MRPS21: variants seen among roughly 807,000 people sequenced by gnomAD.
The protein encoded by MRPS21 is mitochondrial ribosomal protein S21, also known as small ribosomal subunit protein bS21m.
Under a neutral mutation model 9.9 loss-of-function variants are expected in MRPS21, and 8 were observed. The observed-to-expected ratio is 0.81, with a 90% CI of 0.47 to 1.45. The LOEUF (loss-of-function observed/expected upper bound fraction) is 1.45. Among genes scored for constraint, MRPS21 ranks in the 40% most tolerant of loss-of-function variants. The pLI is 0.00. For synonymous variants in MRPS21, 40 were observed against 40.3 expected (o/e 0.99, Z 0.03); for missense variants, 101 against 118.9 (o/e 0.85, Z 0.70).
In MRPS21 at chr1:150,301,624, C is replaced by CTT. The variant is rs782493422; in HGVS notation, c.84-6415_84-6414dup. On this transcript the variant is annotated intron_variant, in intron 2 of 2. Transcript: ENST00000614145. Reference sequence around the variant, plus strand: ...CTTAGAATAATTTTCTTTTTCCTTTCTTTTTTTTTTAATACGGAGTCTCTC... The same window carrying CTT: ...CTTAGAATAATTTTCTTTTTCCTTTCTTTTTTTTTTTTAATACGGAGTCTCTC... Among the ~76,000 whole-genome samples, 776 of 148,160 alleles carry CTT rather than the reference C, an allele frequency of 5.2e-3. 3 individuals are homozygous for CTT. Among genetic ancestry groups the CTT allele is most frequent in the Non-Finnish European group, 8.2e-3 (546 of 66,884 alleles).
chr1:150,295,002 T>A (rs1653865477), intron 2 of MRPS21, among the ~76,000 whole-genome samples: 2 of 149,860 alleles, frequency 1.3e-5, no homozygotes, highest in African/African-American at 4.9e-5. Context: ...TTTAATTTTT[T>A]TTTTTTTTTT....
chr1:150,308,064 G>C lies in MRPS21; in HGVS notation c.100G>C (p.Gly34Arg). ...TTTATACAGAATCCTCACTATGGAT[G>C]GGCTCATTGAGGACATTAAGCATCG... ...RTLNRILTMD[G>R]LIEDIKHRRY... Residue 34 changes from glycine (G) to arginine (R), a missense_variant, in exon 3 of 3, where the codon GGG (glycine) becomes CGG (arginine). Gly to Arg is a moderately radical substitution (Grantham distance 125). Transcript: ENST00000614145. 1 of 1,586,246 alleles carries C rather than the reference G, an allele frequency of 6.3e-7. No individual in the cohort carries two copies. The highest frequency in any genetic ancestry group is 8.6e-7 in the Non-Finnish European group (1 of 1,156,724).
intron 2 of MRPS21, among the ~76,000 whole-genome samples, chr1:150,301,956 T>G (rs1654151991): frequency 6.6e-6 from 1 of 152,204 alleles, no homozygotes; most frequent in African/African-American, 2.4e-5. Flanking sequence ...CAGACTGATT[T>G]TGGAGTGATC....
chr1:150,294,627 G>C (rs1291473215), intron 2 of MRPS21, among the ~76,000 whole-genome samples, 178 bp downstream of exon 2: 1 of 152,096 alleles, frequency 6.6e-6, no homozygotes, highest in Non-Finnish European at 1.5e-5. Context: ...GGCCGGGCGC[G>C]GTGGCTCACG....
chr1:150,305,647 T>C (rs1654301782), intron 2 of MRPS21, among the ~76,000 whole-genome samples: 1 of 152,092 alleles, frequency 6.6e-6, no homozygotes, highest in African/African-American at 2.4e-5. Context: ...CCAGCTGGAG[T>C]GCAGTGCCTT....
intron 2 of MRPS21, among the ~76,000 whole-genome samples, chr1:150,296,404 T>A (rs1366678878): frequency 6.6e-6 from 1 of 152,164 alleles, no homozygotes; most frequent in African/African-American, 2.4e-5. Context: ...GCTTGTTGAG[T>A]TGAATTATCA....
rs1654376892 is a variant in MRPS21 at position 150,307,348 on chromosome 1, C to CATTTTTTTT, written c.84-700_84-699insATTTTTTTT. Reference sequence around the variant, plus strand: ...CAGGCATGAGTCACTGTGCCCAGTCCTTTTTTTTTTTTTTTTTTTTTTCCT... The same window carrying CATTTTTTTT: ...CAGGCATGAGTCACTGTGCCCAGTCCATTTTTTTTTTTTTTTTTTTTTTTTTTTTTTCCT... On this transcript the variant is annotated intron_variant, in intron 2 of 2. Coordinates refer to ENST00000614145, the MANE Select transcript of MRPS21 (RefSeq NM_031901.6). Among the ~76,000 whole-genome samples, 3 of 87,552 alleles carry CATTTTTTTT rather than the reference C, an allele frequency of 3.4e-5. 1 individual carries two copies. The allele number at this position is 87,552 out of a possible 152,430, so 57.4% of individuals were successfully genotyped here. A position where few individuals can be genotyped will look rare whatever the true frequency, so the allele number is the denominator to read the frequency against.
chr1:150,298,764 C>G (rs1262408405), intron 2 of MRPS21, among the ~76,000 whole-genome samples: 3 of 152,094 alleles, frequency 2.0e-5, no homozygotes, highest in Admixed American at 2.0e-4. Context: ...ACTACCCCGG[C>G]TAATTTTTTG....
chr1:150,294,180 T>C lies in MRPS21; in HGVS notation c.-32-155T>C, dbSNP rs79896403. On this transcript the variant is annotated intron_variant, in intron 1 of 2. Transcript: ENST00000614145. ...TGGCAGTGAGAATAAGAGACAACGATTCACGTCTACTTTCTAGGATGACTT... is the reference window on the plus strand; with the variant it reads ...TGGCAGTGAGAATAAGAGACAACGACTCACGTCTACTTTCTAGGATGACTT... 2,833 of 561,750 alleles carry C rather than the reference T, an allele frequency of 5.0e-3. 69 individuals carry two copies. Among genetic ancestry groups the C allele is most frequent in the African/African-American group, 0.049 (2,576 of 52,712 alleles). The allele number at this position is 561,750 out of a possible 1,614,324, so 34.8% of individuals were successfully genotyped here.
intron 2 of MRPS21, among the ~76,000 whole-genome samples, chr1:150,300,172 G>A (rs943979390): frequency 7.2e-5 from 11 of 151,904 alleles, no homozygotes; most frequent in Non-Finnish European, 1.5e-4. Flanking sequence ...GTAAAACCCC[G>A]TCTCTACTAA....
chr1:150,300,421 GTGTC>G (rs1254778071), intron 2 of MRPS21, among the ~76,000 whole-genome samples: 1 of 152,190 alleles, frequency 6.6e-6, no homozygotes, highest in Non-Finnish European at 1.5e-5. Flanking sequence ...ATTTACCAAA[GTGTC>G]TGGCACATCC....
intron 2 of MRPS21, among the ~76,000 whole-genome samples, chr1:150,307,393 TG>T (rs782299644): frequency 5.0e-5 from 7 of 139,480 alleles, no homozygotes; most frequent in South Asian, 4.6e-4. Context: ...GGTGTCACTC[TG>T]TTGTCCAGGC....
chr1:150,305,822 T>C (rs1216894973), intron 2 of MRPS21, among the ~76,000 whole-genome samples: 8 of 152,138 alleles, frequency 5.3e-5, no homozygotes, highest in African/African-American at 1.9e-4. Flanking sequence ...CTCGAACTCC[T>C]GACCTCAAGT....
chr1:150,308,172 C>T lies in MRPS21; in HGVS notation c.208C>T (p.Arg70Cys), dbSNP rs781955209. The T allele has an allele frequency of 1.5e-5, 24 of 1,607,908 alleles. No homozygotes were observed. The Admixed American group carries it at 2.0e-4, about 13-fold the overall frequency. The change falls in exon 3 of 3, where the codon CGC becomes TGC. Residue 70 changes from arginine to cysteine, a missense_variant. By Grantham distance (180) the Arg-to-Cys change is radical. Transcript: ENST00000614145. Reference protein sequence around the residue: ...CRRIYNMEMARKINFLMRKNR... With the variant: ...CRRIYNMEMACKINFLMRKNR... ...GCGGATCTACAACATGGAAATGGCT[C>T]GCAAGATCAACTTCTTGATGCGAAA...
chr1:150,301,874 A>G (rs1353790348), intron 2 of MRPS21, among the ~76,000 whole-genome samples: 1 of 152,074 alleles, frequency 6.6e-6, no homozygotes, highest in Non-Finnish European at 1.5e-5. Flanking sequence ...CTGGGATTAC[A>G]GGGGTGAGCC....
chr1:150,301,289 G>C, intron 2 of MRPS21: 1 of 243,218 alleles, frequency 4.1e-6, no homozygotes, highest in South Asian at 3.5e-5. Flanking sequence ...GAGCCAAGAT[G>C]GCGCCATTGC....
chr1:150,306,220 G>A (rs916017020), intron 2 of MRPS21, among the ~76,000 whole-genome samples: 8 of 152,174 alleles, frequency 5.3e-5, no homozygotes, highest in Non-Finnish European at 8.8e-5. Context: ...TTGTTCTTTA[G>A]GATCCCTTCA....
chr1:150,306,369 G>A lies in MRPS21; in HGVS notation c.84-1679G>A, dbSNP rs76638507. 9.7e-3 allele frequency among the ~76,000 whole-genome samples: 1,464 copies of A among 150,284 alleles called. 10 individuals are homozygous for A. Among genetic ancestry groups the A allele is most frequent in the South Asian group, 0.022 (105 of 4,706 alleles). On this transcript the variant is annotated intron_variant, in intron 2 of 2. Coordinates refer to ENST00000614145, the MANE Select transcript of MRPS21 (RefSeq NM_031901.6). The stretch of plus-strand genomic sequence containing the variant: ...CTCGGCTCACTACAGCCTCCACCCC[G>A]AGTTCAAGGGATTCTCCTGCCTCAG...
chr1:150,308,071 T>C lies in MRPS21; in HGVS notation c.107T>C (p.Ile36Thr), dbSNP rs587669984. 20 of 1,592,736 alleles carry C rather than the reference T, an allele frequency of 1.3e-5. No individual in the cohort carries two copies. The highest frequency in any genetic ancestry group is 1.5e-5 in the Non-Finnish European group (18 of 1,161,922). The change falls in exon 3 of 3, where the codon ATT (isoleucine) becomes ACT (threonine). Residue 36 changes from isoleucine to threonine, a missense_variant. By Grantham distance (89) the Ile-to-Thr change is moderately conservative (BLOSUM62 -1). Coordinates refer to ENST00000614145, the MANE Select transcript of MRPS21 (RefSeq NM_031901.6). Reference protein sequence around the residue: ...LNRILTMDGLIEDIKHRRYYE... With the variant: ...LNRILTMDGLTEDIKHRRYYE... ...AGAATCCTCACTATGGATGGGCTCATTGAGGACATTAAGCATCGGCGGTAT... is the reference window on the plus strand; with the variant it reads ...AGAATCCTCACTATGGATGGGCTCACTGAGGACATTAAGCATCGGCGGTAT...
Sources: allele counts gnomAD v4.1 joint callset (sites outside exome capture counted in the v4.1 genomes callset), GRCh38; gene constraint gnomAD v4.1.1; transcripts MANE v1.5; gene names NCBI Gene and HGNC (gene_info 2026-07-23, HGNC 2026-07-21).